Variants in PAXIP1 observed in about 807,000 individuals in gnomAD.
PAXIP1 encodes PAX-interacting protein 1.
PAXIP1 carries 19 observed loss-of-function variants against 140.6 expected under a neutral mutation model. That is an observed-to-expected ratio of 0.14 (90% confidence interval 0.09 to 0.20). The LOEUF (loss-of-function observed/expected upper bound fraction) is 0.20, where lower values mean the gene tolerates loss of function less well. Ranked by LOEUF, PAXIP1 falls within the 10% of genes least tolerant of loss-of-function variation. The pLI is 1.00. For synonymous variants in PAXIP1, 442 were observed against 444.6 expected, an observed-to-expected ratio of 0.99 and a Z score of 0.07; for missense variants, 920 against 1,208.6, an observed-to-expected ratio of 0.76 and a Z score of 3.54.
chr7:154,982,452 GC>G (rs1327103895), intron 5 of PAXIP1, among the ~76,000 whole-genome samples: 2 of 152,136 alleles, frequency 1.3e-5, no homozygotes, highest in Non-Finnish European at 2.9e-5. Flanking sequence ...CTGTGTTCAA[GC>G]GATTCTCCTG....
chr7:154,997,979 C>T (rs1810715933), intron 2 of PAXIP1, among the ~76,000 whole-genome samples: 1 of 152,236 alleles, frequency 6.6e-6, no homozygotes, highest in African/African-American at 2.4e-5. Flanking sequence ...AATTCAAACA[C>T]CCATCTGATT....
chr7:154,994,096 A>G (rs570112637), intron 2 of PAXIP1, among the ~76,000 whole-genome samples: 1 of 152,058 alleles, frequency 6.6e-6, no homozygotes, highest in African/African-American at 2.4e-5. Flanking sequence ...ACCACCGCCG[A>G]CACCTCATCC....
chr7:154,994,626 A>G (rs979168075), intron 2 of PAXIP1, among the ~76,000 whole-genome samples: 3 of 152,172 alleles, frequency 2.0e-5, no homozygotes, highest in Admixed American at 6.5e-5. Context: ...TCTTCAAGCT[A>G]TTTTTGTCAT....
At position 154,980,571 on chromosome 7, in the gene PAXIP1, C is replaced by T. The variant is rs545300870; in HGVS notation, c.438+2648G>A. ...CTAGGACCACAGGCGTGAGTCACCA[C>T]ATCCAGCTAATTTTTTATTTTTTGT... is the stretch of plus-strand genomic sequence containing the variant. On this transcript the variant is annotated intron_variant, in intron 5 of 20. Coordinates refer to ENST00000404141, the MANE Select transcript of PAXIP1 (RefSeq NM_007349.4). Among the ~76,000 whole-genome samples the T allele has an allele frequency of 2.6e-5, 4 of 152,000 alleles. No homozygotes were observed. In the East Asian group the frequency reaches 7.8e-4, roughly 30 times the overall value.
chr7:154,951,725 C>T (rs1359128536), intron 16 of PAXIP1: 1 of 152,176 alleles, frequency 6.6e-6, no homozygotes, highest in Non-Finnish European at 1.5e-5. Flanking sequence ...CACATTTTCA[C>T]AAACTGAAAC....
At chr7:154,965,727 CA>C (rs1409480187) in intron 8 of PAXIP1, 1 of 152,200 alleles carries the variant, frequency 6.6e-6, no homozygotes, top group Non-Finnish European at 1.5e-5. Context: ...TATGGTAATA[CA>C]TATACAAAAT....
chr7:154,974,398 C>A, intron 6 of PAXIP1: 1 of 152,398 alleles, frequency 6.6e-6, no homozygotes, highest in Non-Finnish European at 1.5e-5. Flanking sequence ...CACTATGGCC[C>A]TATATGGCAA....
At chr7:154,979,601 T>C (rs1225610937) in intron 5 of PAXIP1, among the ~76,000 whole-genome samples, 1 of 151,222 alleles carries the variant, frequency 6.6e-6, no homozygotes, top group Non-Finnish European at 1.5e-5. Flanking sequence ...TTGAGTTACA[T>C]AAGCCACAAA....
chr7:154,946,628 AAT>A lies in PAXIP1; in HGVS notation c.3058-43_3058-42del, dbSNP rs1459731614. 1 of 1,613,650 alleles carries A rather than the reference AAT, an allele frequency of 6.2e-7. No individual in the cohort carries two copies. The highest frequency in any genetic ancestry group is 1.3e-5 in the African/African-American group (1 of 75,032). ...TGAGTTTCTCAGTGACCGAACGCTG[AAT>A]GTGATACAGGGCAATGACGGACTCG... is the stretch of plus-strand genomic sequence containing the variant. On this transcript the variant is annotated intron_variant, in intron 18 of 20. Transcript: ENST00000404141. This position sits in a 1 kb window ranked among gnomAD's most constrained non-coding sequence, Gnocchi z 4.9.
intron 5 of PAXIP1, among the ~76,000 whole-genome samples, chr7:154,980,543 T>C (rs1809792633): frequency 1.3e-5 from 2 of 152,068 alleles, no homozygotes; most frequent in Admixed American, 1.3e-4. Flanking sequence ...GCTTCCCAAG[T>C]AGCTAGGACC....
chr7:154,973,014 G>A lies in PAXIP1; in HGVS notation c.1074+2682C>T, dbSNP rs1480029363. Among the ~76,000 whole-genome samples the A allele has an allele frequency of 6.6e-6, 1 of 152,242 alleles. No individual in the cohort carries two copies. Among genetic ancestry groups the A allele is most frequent in the Non-Finnish European group, 1.5e-5 (1 of 68,040 alleles). ...GTGGCTTTATCCCGCCCACCTGCCT[G>A]GACGCGGATGTGCAGGGACCAGGGC... On this transcript the variant is annotated intron_variant, in intron 6 of 20. Coordinates refer to ENST00000404141, the MANE Select transcript of PAXIP1 (RefSeq NM_007349.4). This position sits in a 1 kb window ranked among gnomAD's most constrained non-coding sequence, Gnocchi z 4.0.
In PAXIP1 at chr7:154,994,799, T is replaced by A. The variant is rs149088032; in HGVS notation, c.217-1030A>T. 4.1e-4 allele frequency among the ~76,000 whole-genome samples: 63 copies of A among 152,364 alleles called. No individual in the cohort carries two copies. The East Asian group carries it at 0.011, about 26-fold the overall frequency. On this transcript the variant is annotated intron_variant, in intron 2 of 20. Coordinates refer to ENST00000404141, the MANE Select transcript of PAXIP1 (RefSeq NM_007349.4). ...TAAAGATTGGCAGCTGTGCCTGGGA[T>A]AATTACTTCATTATGATTTGACATT...
intron 8 of PAXIP1, chr7:154,964,380 G>A (rs957623294): frequency 6.6e-6 from 1 of 152,204 alleles, no homozygotes; most frequent in Non-Finnish European, 1.5e-5. Context: ...CATGGAAAAA[G>A]GAGAATCTGA....
In PAXIP1 at chr7:154,956,408, A is replaced by C. The variant is rs1270039764; in HGVS notation, c.2550-777T>G. ...AGGAGCAGGGAGAGAAAAGATGAGG[A>C]ACCTGGTAACTGCAAAAAACAATTC... On this transcript the variant is annotated intron_variant, in intron 14 of 20. Coordinates refer to ENST00000404141, the MANE Select transcript of PAXIP1 (RefSeq NM_007349.4). The surrounding 1 kb of genome is among the most constrained non-coding windows in gnomAD (Gnocchi z 4.2). The C allele has an allele frequency of 6.6e-6, 1 of 151,946 alleles. No homozygotes were observed. Among genetic ancestry groups the C allele is most frequent in the Non-Finnish European group, 1.5e-5 (1 of 67,976 alleles). The allele number at this position is 151,946 out of a possible 1,614,324, so 9.4% of individuals were successfully genotyped here. A position where few individuals can be genotyped will look rare whatever the true frequency, so the allele number is the denominator to read the frequency against.
intron 1 of PAXIP1, 35 bp from the exon 2 acceptor site, chr7:154,998,819 G>C (rs772071764): frequency 6.3e-7 from 1 of 1,579,744 alleles, no homozygotes; most frequent in South Asian, 1.1e-5. Flanking sequence ...AATTAAAATG[G>C]GCAATACTGT....
intron 8 of PAXIP1, chr7:154,964,971 C>T (rs929724278): frequency 1.3e-5 from 2 of 152,182 alleles, no homozygotes; most frequent in Non-Finnish European, 2.9e-5. Flanking sequence ...TATGGTGGTT[C>T]TATAATATGT....
chr7:154,959,377 C>T (rs922495909), intron 13 of PAXIP1, among the ~76,000 whole-genome samples: 3 of 152,210 alleles, frequency 2.0e-5, no homozygotes, highest in Non-Finnish European at 2.9e-5. Context: ...TGAGAAGTCA[C>T]AGCAGACAAA....
chr7:154,981,451 G>A (rs1437135560), intron 5 of PAXIP1, among the ~76,000 whole-genome samples: 2 of 152,102 alleles, frequency 1.3e-5, no homozygotes, highest in Non-Finnish European at 2.9e-5. Context: ...AGCAAAAAAA[G>A]AGTTATCTTT....
rs771911300 is a variant in PAXIP1 at position 154,954,435 on chromosome 7, A to C, written c.2653-12T>G. ...AGAATGTAGAGCTTCTAAAGGTCACAAACACAGGTCGGAAATGAAAAAGTT... is the reference window on the plus strand; with the variant it reads ...AGAATGTAGAGCTTCTAAAGGTCACCAACACAGGTCGGAAATGAAAAAGTT... On this transcript the variant is annotated splice_polypyrimidine_tract_variant and intron_variant, in intron 15 of 20. Transcript: ENST00000404141. This position sits in a 1 kb window ranked among gnomAD's most constrained non-coding sequence, Gnocchi z 5.1. The C allele has an allele frequency of 4.7e-6, 7 of 1,505,018 alleles. No individual in the cohort carries two copies. The highest frequency in any genetic ancestry group is 6.3e-6 in the Non-Finnish European group (7 of 1,111,892). The allele number at this position is 1,505,018 out of a possible 1,614,324, so 93.2% of individuals were successfully genotyped here.
Sources: allele counts gnomAD v4.1 joint callset (sites outside exome capture counted in the v4.1 genomes callset), GRCh38; gene constraint gnomAD v4.1.1; non-coding constraint Gnocchi (gnomAD v3.1); transcripts MANE v1.5; gene names NCBI Gene and HGNC (gene_info 2026-07-23, HGNC 2026-07-21).